The following DPP8 variants were observed in gnomAD, a reference collection of about 807,000 sequenced individuals.
DPP8 encodes dipeptidyl peptidase 8.
A neutral mutation model predicts 107.5 loss-of-function variants in DPP8; 31 were observed. The ratio of observed to expected loss-of-function variants is 0.29; its 90% CI spans 0.22 to 0.39. The LOEUF is 0.39. Ranked by LOEUF, DPP8 falls within the 10% of genes least tolerant of loss-of-function variation. DPP8 has a pLI of 1.00. For synonymous variants in DPP8, 381 were observed against 356.6 expected (o/e 1.07, Z -0.77); for missense variants, 842 against 1,076.1 (o/e 0.78, Z 3.04).
rs577164625 is a variant in DPP8 at position 65,503,165 on chromosome 15, T to C, written c.373-2386A>G. 2.0e-5 allele frequency among the ~76,000 whole-genome samples: 3 copies of C among 152,310 alleles called. No individual in the cohort carries two copies. In the South Asian group the frequency reaches 6.2e-4, roughly 32 times the overall value. On this transcript the variant is annotated intron_variant, in intron 3 of 19. Coordinates refer to ENST00000300141, the MANE Select transcript of DPP8 (RefSeq NM_130434.5). Reference sequence around the variant, plus strand: ...CTCTGCTGCCCAGGCTGTAGTGCAATGGCGCGATCTCGGCTCACCGCAACC... The same window carrying C: ...CTCTGCTGCCCAGGCTGTAGTGCAACGGCGCGATCTCGGCTCACCGCAACC...
intron 15 of DPP8, among the ~76,000 whole-genome samples, chr15:65,457,516 A>C (rs570679720): frequency 6.6e-6 from 1 of 151,952 alleles, no homozygotes. Context: ...GGTGTGCACC[A>C]CCATGCCTGG....
At chr15:65,459,934 A>G (rs2140419432) in intron 15 of DPP8, among the ~76,000 whole-genome samples, 1 of 152,220 alleles carries the variant, frequency 6.6e-6, no homozygotes. Flanking sequence ...CAGCCTAGGC[A>G]ACACAGCGAG....
chr15:65,484,962 T>A (rs2140824888), intron 8 of DPP8, 137 bp downstream of exon 8: 1 of 685,540 alleles, frequency 1.5e-6, no homozygotes, highest in Non-Finnish European at 2.5e-6. Flanking sequence ...AAAAATTAGG[T>A]CAATCTAAAA....
Position 65,446,886 on chromosome 15 carries a change from A to C in DPP8, c.2647T>G (p.Ter883GluextTer2). ...AGAGAGTTCTACACAGGTCAAAATT[A>C]TATCACTTTTAGAGCAGCAATACGT... is the stretch of plus-strand genomic sequence containing the variant. ...GSRIAALKVI[*>E] is the part of the protein sequence containing the mutation. Residue 883 changes from the stop codon to glutamate (E), a stop_lost, in exon 20 of 20, where the codon TAA becomes GAA. Transcript: ENST00000300141. 6.2e-7 allele frequency: 1 copy of C among 1,610,384 alleles called. No homozygotes were observed. Among genetic ancestry groups the C allele is most frequent in the African/African-American group, 1.3e-5 (1 of 74,772 alleles).
Position 65,497,213 on chromosome 15 carries a change from T to C in DPP8, c.715+651A>G, listed in dbSNP as rs2068698331. On this transcript the variant is annotated intron_variant, in intron 5 of 19. Coordinates refer to ENST00000300141, the MANE Select transcript of DPP8 (RefSeq NM_130434.5). The stretch of plus-strand genomic sequence containing the variant: ...GCCTCAAGTAGTTTCTTAGAGTGTG[T>C]AATTGGTTTTTCTATCTGTTTCTCA... 2.0e-5 allele frequency among the ~76,000 whole-genome samples: 3 copies of C among 152,004 alleles called. No homozygotes were observed. The South Asian group carries it at 6.2e-4, about 32-fold the overall frequency.
chr15:65,502,902 G>A (rs2069420386), intron 3 of DPP8: 1 of 152,002 alleles, frequency 6.6e-6, no homozygotes, highest in African/African-American at 2.4e-5. Context: ...ACGTGTATAT[G>A]GGAAACTGTA....
chr15:65,514,381 T>C (rs1378424171), intron 1 of DPP8, among the ~76,000 whole-genome samples: 1 of 152,194 alleles, frequency 6.6e-6, no homozygotes, highest in Non-Finnish European at 1.5e-5. Flanking sequence ...AGCACACTGA[T>C]ATTTACTGAC....
rs533149173 is a variant in DPP8 at position 65,515,928 on chromosome 15, C to T, written c.-12+1558G>A. On this transcript the variant is annotated intron_variant, in intron 1 of 19. Transcript: ENST00000300141. The stretch of plus-strand genomic sequence containing the variant: ...TTTTTGGGGCAATATATAATGCCTA[C>T]ATTATTTTGTATCTGCGTTTTATGT... 10 of 493,794 alleles carry T rather than the reference C, an allele frequency of 2.0e-5. No homozygotes were observed. The South Asian group carries it at 3.3e-4, about 16-fold the overall frequency. 30.6% of individuals were successfully genotyped at this position (493,794 alleles called of 1,614,324 possible). A position where few individuals can be genotyped will look rare whatever the true frequency, so the allele number is the denominator to read the frequency against.
rs887065860 is a variant in DPP8, at chr15:65,480,203, T to C, written c.1296+19A>G. 12 of 1,591,492 alleles carry C rather than the reference T, an allele frequency of 7.5e-6. No homozygotes were observed. Among genetic ancestry groups the C allele is most frequent in the East Asian group, 6.7e-5 (3 of 44,568 alleles). ...CATTCTGAGAAAATATTTAAACAAA[T>C]ACAGGAAAAAATGCATACATTTATC... On this transcript the variant is annotated intron_variant, in intron 10 of 19. Coordinates refer to ENST00000300141, the MANE Select transcript of DPP8 (RefSeq NM_130434.5).
chr15:65,505,138 G>A (rs890318934), intron 3 of DPP8, among the ~76,000 whole-genome samples: 2 of 151,746 alleles, frequency 1.3e-5, no homozygotes, highest in Non-Finnish European at 2.9e-5. Flanking sequence ...GGCGGATCAC[G>A]AGGTCAGGAG....
chr15:65,470,824 C>G (rs1567182991), intron 12 of DPP8, among the ~76,000 whole-genome samples: 1 of 150,980 alleles, frequency 6.6e-6, no homozygotes, highest in African/African-American at 2.4e-5. Context: ...GAGGCTGAAA[C>G]AGGAGAACTG....
At chr15:65,508,508 A>G (rs1888609605) in intron 2 of DPP8, among the ~76,000 whole-genome samples, 1 of 152,174 alleles carries the variant, frequency 6.6e-6, no homozygotes, top group Non-Finnish European at 1.5e-5. Context: ...TATGGTTATG[A>G]AGATATGAAC....
At chr15:65,514,571 C>G (rs530448463) in intron 1 of DPP8, among the ~76,000 whole-genome samples, 111 of 152,246 alleles carry the variant, frequency 7.3e-4, no homozygotes, top group Non-Finnish European at 2.2e-4. Flanking sequence ...TGCAGTGGCG[C>G]GAGATCTCGG....
intron 4 of DPP8, among the ~76,000 whole-genome samples, chr15:65,498,426 A>C (rs1246243348): frequency 2.7e-5 from 4 of 146,510 alleles, no homozygotes; most frequent in African/African-American, 1.0e-4. Context: ...AGTATCAGGA[A>C]AAAAAAAAAA....
chr15:65,487,653 G>A (rs915370071), intron 7 of DPP8, 37 bp downstream of exon 7: 2 of 1,578,852 alleles, frequency 1.3e-6, no homozygotes, highest in Non-Finnish European at 1.7e-6. Context: ...TTGGAAAGAG[G>A]AAATGAGTGA....
At position 65,475,214 on chromosome 15, in the gene DPP8, C is replaced by A. The variant is rs2066272577; in HGVS notation, c.1457-926G>T. On this transcript the variant is annotated intron_variant, in intron 11 of 19. Coordinates refer to ENST00000300141, the MANE Select transcript of DPP8 (RefSeq NM_130434.5). ...AGTGATATTTCTGCCAGGATACTCC[C>A]CCTCCCCTAAACTCAGTAGTTAGTT... 1.3e-5 allele frequency: 6 copies of A among 478,218 alleles called. 1 individual carries two copies. The highest frequency in any genetic ancestry group is 3.9e-5 in the African/African-American group (2 of 50,952). 29.6% of individuals were successfully genotyped at this position (478,218 alleles called of 1,614,324 possible).
intron 10 of DPP8, 42 bp from the exon 11 acceptor site, chr15:65,479,081 A>C (rs1298422120): frequency 7.4e-7 from 1 of 1,343,512 alleles, no homozygotes; most frequent in African/African-American, 1.5e-5. Flanking sequence ...TATTATGAAA[A>C]TACTACATAA....
chr15:65,471,269 G>A (rs915908938), intron 12 of DPP8, among the ~76,000 whole-genome samples: 2 of 151,994 alleles, frequency 1.3e-5, no homozygotes, highest in South Asian at 2.1e-4. Context: ...AAAATTATTT[G>A]GATATATAAC....
At position 65,512,371 on chromosome 15, in the gene DPP8, A is replaced by C. The variant is rs772889669; in HGVS notation, c.183T>G (p.Ala61=). ...CAAACATGAAATCATGTGGTGCCTT[A>C]GCCATCATGTAGCCATGATATTTTC... is the stretch of plus-strand genomic sequence containing the variant. ...DTRKYHGYMM[A]KAPHDFMFVK... The change falls in exon 2 of 20, where the codon GCT becomes GCG. Residue 61 remains alanine (A), a synonymous_variant. Coordinates refer to ENST00000300141, the MANE Select transcript of DPP8 (RefSeq NM_130434.5). 1 of 1,614,148 alleles carries C rather than the reference A, an allele frequency of 6.2e-7. No individual in the cohort carries two copies. Among genetic ancestry groups the C allele is most frequent in the Non-Finnish European group, 8.5e-7 (1 of 1,180,034 alleles).
Sources: allele counts gnomAD v4.1 joint callset (sites outside exome capture counted in the v4.1 genomes callset), GRCh38; gene constraint gnomAD v4.1.1; transcripts MANE v1.5; gene names NCBI Gene and HGNC (gene_info 2026-07-23, HGNC 2026-07-21).